Variants in PCSK5 observed in about 807,000 individuals in gnomAD.
The protein encoded by PCSK5 is proprotein convertase subtilisin/kexin type 5.
A neutral mutation model predicts 233.2 loss-of-function variants in PCSK5; 129 were observed. That is an observed-to-expected ratio of 0.55 (90% CI 0.48 to 0.64). The LOEUF (loss-of-function observed/expected upper bound fraction) is 0.64, where lower values mean the gene tolerates loss of function less well. PCSK5 is among the 30% of genes least tolerant of loss of function. The pLI is 0.00. For missense variants in PCSK5, 2,076 were observed against 2,430.1 expected (o/e 0.85, Z 3.06); for synonymous variants, 825 against 879.2 (o/e 0.94, Z 1.09).
intron 4 of PCSK5, among the ~76,000 whole-genome samples, chr9:76,025,814 A>C (rs888780718): frequency 1.3e-5 from 2 of 152,226 alleles, no homozygotes; most frequent in African/African-American, 4.8e-5. Context: ...TTAAGTACTC[A>C]AATAACCAGA....
chr9:75,943,169 G>A (rs1378383743), intron 2 of PCSK5, among the ~76,000 whole-genome samples: 1 of 152,150 alleles, frequency 6.6e-6, no homozygotes, highest in Non-Finnish European at 1.5e-5. Context: ...ACAAGCATGA[G>A]CCACCATGCC....
chr9:76,088,822 C>T (rs1490406172), intron 7 of PCSK5, among the ~76,000 whole-genome samples: 2 of 151,930 alleles, frequency 1.3e-5, no homozygotes, highest in Non-Finnish European at 2.9e-5. Flanking sequence ...ATTTAAATTG[C>T]TTAAAGAAGC....
intron 28 of PCSK5, among the ~76,000 whole-genome samples, chr9:76,303,555 C>A (rs377251178): frequency 1.7e-4 from 26 of 152,268 alleles, no homozygotes; most frequent in East Asian, 5.8e-4. Flanking sequence ...GGACATAGAA[C>A]ATTGAAGATT....
At position 76,082,663 on chromosome 9, in the gene PCSK5, A is replaced by G. The variant is rs191251961; in HGVS notation, c.894+10765A>G. ...AGCTAGAGCAGAGTAAACAGCCCAC[A>G]ATAAGAAGACTTACTGTAGCACAAT... On this transcript the variant is annotated intron_variant, in intron 7 of 37. Transcript: ENST00000674117. 5.3e-5 allele frequency among the ~76,000 whole-genome samples: 8 copies of G among 151,772 alleles called. No homozygotes were observed. In the East Asian group the frequency reaches 5.8e-4, roughly 11 times the overall value.
At chr9:75,949,667 A>G (rs538016974) in intron 2 of PCSK5, among the ~76,000 whole-genome samples, 1 of 152,004 alleles carries the variant, frequency 6.6e-6, no homozygotes, top group South Asian at 2.1e-4. Context: ...AGCTGGGACT[A>G]TAGGCGCGCA....
At chr9:75,933,600 C>G (rs1227317277) in intron 2 of PCSK5, among the ~76,000 whole-genome samples, 1 of 152,084 alleles carries the variant, frequency 6.6e-6, no homozygotes, top group Non-Finnish European at 1.5e-5. Flanking sequence ...TGTAGTTAGC[C>G]TTGTTTAATT....
intron 7 of PCSK5, among the ~76,000 whole-genome samples, chr9:76,083,234 GTAT>G (rs1830924723): frequency 6.8e-6 from 1 of 146,672 alleles, no homozygotes; most frequent in Non-Finnish European, 1.5e-5. Flanking sequence ...AAAAGAAGAA[GTAT>G]TTCTTGAATA....
At chr9:76,266,310 G>A (rs1827330721) in intron 24 of PCSK5, among the ~76,000 whole-genome samples, 1 of 152,150 alleles carries the variant, frequency 6.6e-6, no homozygotes, top group Admixed American at 6.5e-5. Context: ...GATGAATGAA[G>A]TAAACAGTCC....
intron 14 of PCSK5, among the ~76,000 whole-genome samples, chr9:76,179,070 G>C (rs957562384): frequency 2.6e-5 from 4 of 152,122 alleles, no homozygotes; most frequent in Non-Finnish European, 5.9e-5. Flanking sequence ...ATCTGTGTCT[G>C]AGACTGGATG....
chr9:76,323,403 G>A (rs530536883), intron 32 of PCSK5, 115 bp downstream of exon 32: 1 of 656,754 alleles, frequency 1.5e-6, no homozygotes, highest in South Asian at 2.0e-5. Context: ...TTTTGTTTTG[G>A]GACAAGGTCT....
chr9:76,190,112 A>G (rs1824299406), intron 20 of PCSK5, among the ~76,000 whole-genome samples: 1 of 152,204 alleles, frequency 6.6e-6, no homozygotes. Flanking sequence ...AACATCAAGC[A>G]CTAGAGGAAT....
intron 1 of PCSK5, among the ~76,000 whole-genome samples, chr9:75,916,959 AG>A (rs1823027179): frequency 6.6e-6 from 1 of 152,102 alleles, no homozygotes; most frequent in Non-Finnish European, 1.5e-5. Context: ...TCACAAGGTC[AG>A]GAGTTCGAGA....
chr9:75,960,705 T>C (rs1221919990), intron 2 of PCSK5, among the ~76,000 whole-genome samples: 3 of 152,228 alleles, frequency 2.0e-5, no homozygotes, highest in African/African-American at 4.8e-5. Flanking sequence ...CGGCTCTCCT[T>C]CGTGCTCCAG....
intron 2 of PCSK5, among the ~76,000 whole-genome samples, chr9:75,978,320 G>A (rs551050704): frequency 6.6e-6 from 1 of 152,264 alleles, no homozygotes; most frequent in Admixed American, 6.5e-5. Flanking sequence ...AGCCAGCCGT[G>A]GAAACATGCA....
intron 30 of PCSK5, among the ~76,000 whole-genome samples, chr9:76,318,375 T>C (rs1829092148): frequency 1.3e-5 from 2 of 151,584 alleles, no homozygotes; most frequent in Non-Finnish European, 2.9e-5. Flanking sequence ...AGATAGATGA[T>C]GAGTTGATGG....
intron 1 of PCSK5, among the ~76,000 whole-genome samples, chr9:75,896,934 C>T (rs900777163): frequency 6.6e-6 from 1 of 152,158 alleles, no homozygotes; most frequent in African/African-American, 2.4e-5. Context: ...TACCAATAAA[C>T]TCTCCAATTT....
intron 1 of PCSK5, among the ~76,000 whole-genome samples, chr9:75,913,011 C>G (rs1016810698): frequency 6.6e-6 from 1 of 152,188 alleles, no homozygotes; most frequent in East Asian, 1.9e-4. Flanking sequence ...ATCCTCAGCT[C>G]CCTGACTCAG....
intron 36 of PCSK5, among the ~76,000 whole-genome samples, chr9:76,351,612 A>AAAGAAAGAAAGAG (rs35283868): frequency 8.7e-6 from 1 of 114,788 alleles, no homozygotes; most frequent in African/African-American, 3.1e-5. Flanking sequence ...AGAAGAAAGA[A>AAAGAAAGAAAGAG]AAAGAAAGAG....
chr9:76,350,326 A>G (rs1830087043), intron 35 of PCSK5, among the ~76,000 whole-genome samples: 1 of 150,152 alleles, frequency 6.7e-6, no homozygotes, highest in Non-Finnish European at 1.5e-5. Context: ...AAAGAAATGT[A>G]TCACCATCAT....
Sources: gnomAD v4.1 joint callset for allele counts (sites outside exome capture counted in the v4.1 genomes callset) on GRCh38, gnomAD v4.1.1 for gene constraint, MANE v1.5 for transcripts, NCBI Gene and HGNC (gene_info 2026-07-23, HGNC 2026-07-21) for gene names.